The following TSHZ2 variants were observed in gnomAD, a reference collection of about 807,000 sequenced individuals.
TSHZ2 encodes teashirt zinc finger homeobox 2.
A neutral mutation model predicts 74.4 loss-of-function variants in TSHZ2; 21 were observed. That is an observed-to-expected ratio of 0.28 (90% CI 0.20 to 0.41). TSHZ2 has a LOEUF of 0.41. Among genes scored for constraint, TSHZ2 ranks in the 10% least tolerant of loss-of-function variants. The pLI is 1.00. For missense variants in TSHZ2, 1,244 were observed against 1,293.5 expected, an observed-to-expected ratio of 0.96 and a Z score of 0.59; for synonymous variants, 540 against 515.3, an observed-to-expected ratio of 1.05 and a Z score of -0.65.
intron 2 of TSHZ2, among the ~76,000 whole-genome samples, chr20:53,325,018 A>G (rs1454009092): frequency 1.3e-5 from 2 of 152,262 alleles, no homozygotes; most frequent in African/African-American, 4.8e-5. Flanking sequence ...CCTGAGGCCT[A>G]ATTATCAGGG....
intron 1 of TSHZ2, among the ~76,000 whole-genome samples, chr20:53,210,202 C>T (rs1989270148): frequency 6.6e-6 from 1 of 152,188 alleles, no homozygotes; most frequent in Admixed American, 6.5e-5. Context: ...TTGCAGTGTG[C>T]CGTTTTAGCC....
chr20:53,465,299 C>G (rs1985520726), intron 2 of TSHZ2, among the ~76,000 whole-genome samples: 1 of 151,888 alleles, frequency 6.6e-6, no homozygotes, highest in Non-Finnish European at 1.5e-5. Flanking sequence ...GAGACAGAGT[C>G]TCGCTCTGTC....
At chr20:53,455,609 T>A (rs552957477) in intron 2 of TSHZ2, among the ~76,000 whole-genome samples, 2 of 152,116 alleles carry the variant, frequency 1.3e-5, no homozygotes, top group Admixed American at 6.6e-5. Context: ...CATGTGCACA[T>A]TGTGCAGGTT....
At chr20:53,214,734 A>C (rs980520401) in intron 1 of TSHZ2, among the ~76,000 whole-genome samples, 3 of 152,090 alleles carry the variant, frequency 2.0e-5, no homozygotes, top group Non-Finnish European at 4.4e-5. Context: ...AAGAAGAAGA[A>C]GACAATGTGA....
chr20:53,047,712 G>A (rs1392501314), intron 1 of TSHZ2, among the ~76,000 whole-genome samples: 7 of 151,824 alleles, frequency 4.6e-5, no homozygotes, highest in Admixed American at 6.5e-5. Flanking sequence ...ATACAGTCAC[G>A]GGCCATTTTG....
intron 2 of TSHZ2, among the ~76,000 whole-genome samples, chr20:53,301,397 C>T (rs1446798951): frequency 6.6e-6 from 1 of 152,160 alleles, no homozygotes; most frequent in Admixed American, 6.5e-5. Context: ...CTCAGACAGG[C>T]CATTTAATCT....
At chr20:53,462,689 T>C (rs1018783396) in intron 2 of TSHZ2, among the ~76,000 whole-genome samples, 2 of 152,144 alleles carry the variant, frequency 1.3e-5, no homozygotes, top group Non-Finnish European at 1.5e-5. Flanking sequence ...CAACAGCTGA[T>C]TTGGGGGTGG....
At chr20:53,142,341 A>C (rs1477567721) in intron 1 of TSHZ2, among the ~76,000 whole-genome samples, 2 of 152,244 alleles carry the variant, frequency 1.3e-5, no homozygotes, top group Non-Finnish European at 2.9e-5. Flanking sequence ...GACCGGAAGA[A>C]CAGGAGAACA....
intron 1 of TSHZ2, among the ~76,000 whole-genome samples, chr20:53,003,255 G>GGTGTGTGTGTGTGTGT (rs11468763): frequency 1.4e-5 from 2 of 139,514 alleles, no homozygotes; most frequent in African/African-American, 2.7e-5. Flanking sequence ...CTCCAGGGAT[G>GGTGTGTGTGTGTGTGT]GTGTGTGTGT....
In TSHZ2 at chr20:53,307,871, A is replaced by G. The variant is rs368162489; in HGVS notation, c.*8+51300A>G. Among the ~76,000 whole-genome samples the G allele has an allele frequency of 3.9e-5, 6 of 152,146 alleles. No individual in the cohort carries two copies. In the East Asian group the frequency reaches 7.7e-4, roughly 20 times the overall value. On this transcript the variant is annotated intron_variant, in intron 2 of 2. Coordinates refer to ENST00000371497, the MANE Select transcript of TSHZ2 (RefSeq NM_173485.6). ...GACCCTGGATAGGTCCTTTACCCCAACTCAGACTCAATCAGATTGGAACGC... is the reference window on the plus strand; with the variant it reads ...GACCCTGGATAGGTCCTTTACCCCAGCTCAGACTCAATCAGATTGGAACGC...
At position 53,076,653 on chromosome 20, in the gene TSHZ2, G is replaced by T. The variant is rs369183113; in HGVS notation, c.40+103320G>T. ...GAAAAAAACAGCACTAAATTAGGTT[G>T]ATGGTGGGAGGTGAGGGTGGAGCAG... is the stretch of plus-strand genomic sequence containing the variant. On this transcript the variant is annotated intron_variant, in intron 1 of 2. Transcript: ENST00000371497. Among the ~76,000 whole-genome samples, 34 of 152,342 alleles carry T rather than the reference G, an allele frequency of 2.2e-4. 1 individual carries two copies. In the South Asian group the frequency reaches 7.1e-3, roughly 32 times the overall value.
chr20:53,022,302 G>A (rs755065541), intron 1 of TSHZ2, among the ~76,000 whole-genome samples: 2 of 152,166 alleles, frequency 1.3e-5, no homozygotes, highest in Admixed American at 6.5e-5. Flanking sequence ...ACAGATCTCC[G>A]GTGTTAACCG....
chr20:53,073,282 A>G (rs1444228045), intron 1 of TSHZ2, among the ~76,000 whole-genome samples: 1 of 132,528 alleles, frequency 7.5e-6, no homozygotes, highest in Non-Finnish European at 1.6e-5. Context: ...CCCTCCATTC[A>G]TCCATCCATC....
intron 2 of TSHZ2, among the ~76,000 whole-genome samples, chr20:53,485,970 A>C (rs1986280319): frequency 6.6e-6 from 1 of 152,196 alleles, no homozygotes; most frequent in South Asian, 2.1e-4. Context: ...TACAAACATA[A>C]CAATGTCCAT....
intron 1 of TSHZ2, among the ~76,000 whole-genome samples, chr20:53,036,831 A>G (rs1365324316): frequency 6.7e-6 from 1 of 149,624 alleles, no homozygotes; most frequent in Non-Finnish European, 1.5e-5. Flanking sequence ...ATTATTTCAC[A>G]TAAACTTTAT....
intron 1 of TSHZ2, among the ~76,000 whole-genome samples, chr20:53,235,441 A>G (rs1916205518): frequency 6.6e-6 from 1 of 152,144 alleles, no homozygotes; most frequent in South Asian, 2.1e-4. Flanking sequence ...AAGTGCTGGG[A>G]TTACAGGTGC....
chr20:53,274,145 C>T (rs1990894674), intron 2 of TSHZ2, among the ~76,000 whole-genome samples: 1 of 152,218 alleles, frequency 6.6e-6, no homozygotes, highest in South Asian at 2.1e-4. Flanking sequence ...TGGCGCGTGC[C>T]TGTAATCCCA....
chr20:53,442,595 C>A (rs1350492898), intron 2 of TSHZ2, among the ~76,000 whole-genome samples: 1 of 151,398 alleles, frequency 6.6e-6, no homozygotes, highest in African/African-American at 2.5e-5. Flanking sequence ...TGTCTGCGAA[C>A]CCCCCATCAC....
chr20:53,290,230 GC>G (rs1991254240), intron 2 of TSHZ2, among the ~76,000 whole-genome samples: 1 of 151,308 alleles, frequency 6.6e-6, no homozygotes, highest in Admixed American at 6.6e-5. Flanking sequence ...CCTACCCCAA[GC>G]CCCCACCCTC....
Sources: allele counts gnomAD v4.1 joint callset (sites outside exome capture counted in the v4.1 genomes callset), GRCh38; gene constraint gnomAD v4.1.1; transcripts MANE v1.5; gene names NCBI Gene and HGNC (gene_info 2026-07-23, HGNC 2026-07-21).